TRPM3: variants seen among roughly 807,000 people sequenced by gnomAD.
TRPM3 encodes the protein transient receptor potential cation channel subfamily M member 3, also known as long transient receptor potential channel 3.
A neutral mutation model predicts 181.2 loss-of-function variants in TRPM3; 77 were observed. The observed-to-expected ratio is 0.42, with a 90% CI of 0.35 to 0.51. The LOEUF (loss-of-function observed/expected upper bound fraction) is 0.51. Among genes scored for constraint, TRPM3 ranks in the 20% least tolerant of loss-of-function variants. The pLI is 0.01. For missense variants in TRPM3, 1,759 were observed against 2,196.7 expected, an observed-to-expected ratio of 0.80 and a Z score of 3.98; for synonymous variants, 745 against 796.4, an observed-to-expected ratio of 0.94 and a Z score of 1.09.
intron 1 of TRPM3, among the ~76,000 whole-genome samples, chr9:71,399,521 C>CTTTTTTTTTTTTTTT (rs1415739241): frequency 1.9e-5 from 2 of 107,520 alleles, no homozygotes; most frequent in African/African-American, 3.2e-5. Flanking sequence ...CTTATATTTT[C>CTTTTTTTTTTTTTTT]TTTTGTTTTT....
intron 7 of TRPM3, chr9:70,774,839 T>C (rs899544961): frequency 2.6e-5 from 4 of 151,266 alleles, no homozygotes; most frequent in African/African-American, 9.7e-5. Flanking sequence ...TGTCCAACAA[T>C]TAGGATAGTG....
At chr9:70,966,112 C>T (rs951068915) in intron 1 of TRPM3, among the ~76,000 whole-genome samples, 22 of 149,332 alleles carry the variant, frequency 1.5e-4, no homozygotes, top group Admixed American at 8.7e-4. Context: ...TTCCAAAAGA[C>T]GACATACATG....
At chr9:71,437,974 C>T (rs370850959) in intron 1 of TRPM3, among the ~76,000 whole-genome samples, 1 of 151,876 alleles carries the variant, frequency 6.6e-6, no homozygotes, top group Admixed American at 6.6e-5. Context: ...GTGGCTAATA[C>T]CCAAAAATGA....
chr9:70,992,621 G>T (rs1157496242), intron 1 of TRPM3, among the ~76,000 whole-genome samples: 1 of 152,180 alleles, frequency 6.6e-6, no homozygotes, highest in Non-Finnish European at 1.5e-5. Context: ...TGTGTGTACT[G>T]AGCACATGAA....
Position 70,535,437 on chromosome 9 carries a change from A to G in TRPM3, c.*516T>C. On this transcript the variant is annotated 3_prime_UTR_variant, in exon 26 of 26. Coordinates refer to ENST00000677713, the MANE Select transcript of TRPM3 (RefSeq NM_001366145.2). ...AACTGCTTGCTGCCGGCTTATACTG[A>G]ATAAAGAGGATGCTCTTCATCAGTC... 1 of 1,550,604 alleles carries G rather than the reference A, an allele frequency of 6.4e-7. No homozygotes were observed. Among genetic ancestry groups the G allele is most frequent in the Non-Finnish European group, 8.7e-7 (1 of 1,147,004 alleles).
At chr9:71,245,181 G>A (rs1221136419) in intron 1 of TRPM3, among the ~76,000 whole-genome samples, 2 of 152,136 alleles carry the variant, frequency 1.3e-5, no homozygotes, top group Admixed American at 6.6e-5. Context: ...GGGTATGGTA[G>A]CTCATGCCTG....
At chr9:70,988,414 A>T (rs894906876) in intron 1 of TRPM3, among the ~76,000 whole-genome samples, 1 of 152,180 alleles carries the variant, frequency 6.6e-6, no homozygotes, top group African/African-American at 2.4e-5. Flanking sequence ...AACACTAATC[A>T]TTGTGAAGTT....
chr9:70,548,847 G>GCGCTCT (rs113538099), intron 25 of TRPM3, among the ~76,000 whole-genome samples: 2 of 150,176 alleles, frequency 1.3e-5, no homozygotes, highest in East Asian at 2.0e-4. Context: ...AAGATCTTGT[G>GCGCTCT]CTCTCTCTCT....
chr9:71,157,142 C>G (rs2076046333), intron 1 of TRPM3, among the ~76,000 whole-genome samples: 1 of 152,036 alleles, frequency 6.6e-6, no homozygotes, highest in African/African-American at 2.4e-5. Flanking sequence ...GGTTTATTTT[C>G]CAAACATTAA....
intron 5 of TRPM3, among the ~76,000 whole-genome samples, chr9:70,838,291 C>A (rs540741026): frequency 1.3e-5 from 2 of 152,046 alleles, no homozygotes; most frequent in Admixed American, 6.6e-5. Flanking sequence ...TGTTGAAATT[C>A]AAATTTCCAA....
chr9:71,217,224 A>G (rs908509829), intron 1 of TRPM3, among the ~76,000 whole-genome samples: 1 of 151,734 alleles, frequency 6.6e-6, no homozygotes, highest in African/African-American at 2.4e-5. Context: ...TGCTGGGATT[A>G]CAGGCGTGAG....
intron 22 of TRPM3, among the ~76,000 whole-genome samples, chr9:70,570,052 G>A (rs1222894757): frequency 2.0e-5 from 3 of 151,896 alleles, no homozygotes; most frequent in Non-Finnish European, 4.4e-5. Flanking sequence ...CCATTTTTGT[G>A]TGCACGTGTA....
At chr9:70,764,425 C>T (rs905022097) in intron 7 of TRPM3, among the ~76,000 whole-genome samples, 11 of 152,150 alleles carry the variant, frequency 7.2e-5, no homozygotes, top group African/African-American at 2.4e-4. Flanking sequence ...TACTACCAAC[C>T]ATCTGTAATG....
chr9:70,547,548 A>C (rs911760952), intron 25 of TRPM3, among the ~76,000 whole-genome samples: 3 of 151,806 alleles, frequency 2.0e-5, no homozygotes, highest in African/African-American at 7.3e-5. Context: ...AAAAAAAAAA[A>C]AAAAACCCAA....
In TRPM3 at chr9:71,345,587, C is replaced by T. The variant is rs542670241; in HGVS notation, c.183+101066G>A. 2.4e-3 allele frequency among the ~76,000 whole-genome samples: 363 copies of T among 148,392 alleles called. 1 individual carries two copies. Among genetic ancestry groups the T allele is most frequent in the African/African-American group, 8.1e-3 (326 of 40,170 alleles). On this transcript the variant is annotated intron_variant, in intron 1 of 24. Coordinates refer to the TRPM3 transcript ENST00000357533. The stretch of plus-strand genomic sequence containing the variant: ...GGGAACATCACACACCAGGGCCTGT[C>T]GGGGGGTGGGGGGCAAGGGGAAGGA...
intron 1 of TRPM3, among the ~76,000 whole-genome samples, chr9:70,869,540 A>G (rs181382182): frequency 6.1e-4 from 93 of 152,204 alleles, no homozygotes; most frequent in Admixed American, 1.6e-3. Context: ...ATTTCTTTAA[A>G]GAGAAACTGC....
At chr9:71,225,099 T>C (rs1004149194) in intron 1 of TRPM3, among the ~76,000 whole-genome samples, 36 of 152,090 alleles carry the variant, frequency 2.4e-4, no homozygotes, top group Non-Finnish European at 1.8e-4. Context: ...ATATTTAATA[T>C]TGATACACTC....
At chr9:71,335,578 A>AT (rs1476554583) in intron 1 of TRPM3, among the ~76,000 whole-genome samples, 1 of 152,070 alleles carries the variant, frequency 6.6e-6, no homozygotes, top group Non-Finnish European at 1.5e-5. Context: ...TAAATTTCCT[A>AT]TTTTTTCATT....
chr9:71,199,649 G>C (rs2131719388), intron 1 of TRPM3, among the ~76,000 whole-genome samples: 1 of 152,216 alleles, frequency 6.6e-6, no homozygotes, highest in East Asian at 1.9e-4. Flanking sequence ...AGATTTTCTA[G>C]TTTATTTGCG....
Sources: gnomAD v4.1 joint callset for allele counts (sites outside exome capture counted in the v4.1 genomes callset) on GRCh38, gnomAD v4.1.1 for gene constraint, MANE v1.5 for transcripts, NCBI Gene and HGNC (gene_info 2026-07-23, HGNC 2026-07-21) for gene names.